Variants in TMEM53 observed in about 807,000 individuals in gnomAD.
TMEM53 encodes transmembrane protein 53.
In TMEM53, 14 loss-of-function variants were observed where a neutral mutation model predicts 21.4. That is an observed-to-expected ratio of 0.65 (90% CI 0.43 to 1.02). The LOEUF is 1.02. Among genes scored for constraint, TMEM53 ranks in the 50% least tolerant of loss-of-function variants. The probability of loss-of-function intolerance (pLI) is 0.00; values close to 1 mark genes in which losing one functional copy is unlikely to be tolerated. For synonymous variants in TMEM53, 148 were observed against 157.4 expected, an observed-to-expected ratio of 0.94 and a Z score of 0.45; for missense variants, 323 against 383.6, an observed-to-expected ratio of 0.84 and a Z score of 1.32.
intron 2 of TMEM53, among the ~76,000 whole-genome samples, chr1:44,657,385 A>T (rs1644860035): frequency 6.6e-6 from 1 of 152,196 alleles, no homozygotes; most frequent in Non-Finnish European, 1.5e-5. Flanking sequence ...GAAGGTGGAG[A>T]TCATGATCTG....
chr1:44,666,559 C>T (rs757632534), intron 1 of TMEM53, among the ~76,000 whole-genome samples: 3 of 152,168 alleles, frequency 2.0e-5, no homozygotes, highest in Non-Finnish European at 4.4e-5. Context: ...AGTACTAATA[C>T]ACGTGATAGC....
intron 2 of TMEM53, among the ~76,000 whole-genome samples, chr1:44,656,692 G>A (rs925122677): frequency 4.0e-5 from 6 of 151,238 alleles, no homozygotes; most frequent in African/African-American, 1.2e-4. Context: ...TAGCCTGGAC[G>A]ACATAGGGAG....
At chr1:44,661,469 G>A (rs2148532571) in intron 1 of TMEM53, among the ~76,000 whole-genome samples, 1 of 151,648 alleles carries the variant, frequency 6.6e-6, no homozygotes, top group African/African-American at 2.4e-5. Context: ...TCGAACTCCT[G>A]ACCTCAAGTG....
At chr1:44,671,860 C>T (rs1345430223) in intron 1 of TMEM53, among the ~76,000 whole-genome samples, 2 of 152,136 alleles carry the variant, frequency 1.3e-5, no homozygotes, top group East Asian at 1.9e-4. Flanking sequence ...AGCCAGGAGG[C>T]GGAGGTTGCA....
At chr1:44,673,850 G>A in intron 1 of TMEM53, 7 of 985,392 alleles carry the variant, frequency 7.1e-6, no homozygotes, top group Non-Finnish European at 8.4e-6. Context: ...GTTAACCACT[G>A]CCGAGAAGAG....
intron 1 of TMEM53, among the ~76,000 whole-genome samples, chr1:44,667,260 A>G (rs1281637481): frequency 2.0e-5 from 3 of 151,942 alleles, no homozygotes; most frequent in South Asian, 2.1e-4. Flanking sequence ...AAGCAATATC[A>G]TAACAGAATA....
chr1:44,665,043 A>C lies in TMEM53; in HGVS notation c.62-4748T>G, dbSNP rs1446467200. 2.0e-5 allele frequency among the ~76,000 whole-genome samples: 3 copies of C among 151,926 alleles called. No homozygotes were observed. The South Asian group carries it at 6.2e-4, about 32-fold the overall frequency. ...CACCTATAGAATCAGCTCACTACTTACTTCCAGGAAGCCTTCCTTGACGCC... is the reference window on the plus strand; with the variant it reads ...CACCTATAGAATCAGCTCACTACTTCCTTCCAGGAAGCCTTCCTTGACGCC... On this transcript the variant is annotated intron_variant, in intron 1 of 2. Coordinates refer to ENST00000372237, the MANE Select transcript of TMEM53 (RefSeq NM_024587.4).
At chr1:44,662,487 G>C (rs937504408) in intron 1 of TMEM53, among the ~76,000 whole-genome samples, 3 of 152,188 alleles carry the variant, frequency 2.0e-5, no homozygotes, top group African/African-American at 7.2e-5. Flanking sequence ...GGGCCTCAGT[G>C]GGGCCCCAGG....
chr1:44,655,247 TG>T lies in TMEM53; in HGVS notation c.184-39del. On this transcript the variant is annotated intron_variant, in intron 2 of 2. Transcript: ENST00000372237. The surrounding 1 kb of genome is among the most constrained non-coding windows in gnomAD (Gnocchi z 4.4). ...GCCTGGTCAGTCCTCACAGATGAGG[TG>T]GGGGTAGTGGGTACAAGCTAAGGTC... 1.3e-6 allele frequency: 2 copies of T among 1,546,180 alleles called. No homozygotes were observed. Among genetic ancestry groups the T allele is most frequent in the Non-Finnish European group, 1.7e-6 (2 of 1,146,434 alleles).
chr1:44,661,512 A>G (rs41468751), intron 1 of TMEM53, among the ~76,000 whole-genome samples: 2,412 of 152,162 alleles, frequency 0.016, 81 homozygotes, highest in Admixed American at 0.066. Flanking sequence ...GGAACAAGAA[A>G]GTCTTAAAAG....
At chr1:44,672,427 CGT>C (rs1229063118) in intron 1 of TMEM53, among the ~76,000 whole-genome samples, 3 of 152,216 alleles carry the variant, frequency 2.0e-5, no homozygotes, top group Non-Finnish European at 4.4e-5. Flanking sequence ...GCTCCTTGGG[CGT>C]GTGAGTCACT....
intron 1 of TMEM53, among the ~76,000 whole-genome samples, chr1:44,669,644 G>A (rs1365362097): frequency 1.3e-5 from 2 of 152,102 alleles, no homozygotes; most frequent in East Asian, 3.8e-4. Flanking sequence ...AGGAGCTCCT[G>A]GTGGGCCTGG....
intron 1 of TMEM53, among the ~76,000 whole-genome samples, chr1:44,671,011 G>A (rs1644995602): frequency 6.6e-6 from 1 of 152,196 alleles, no homozygotes; most frequent in Non-Finnish European, 1.5e-5. Context: ...GCTGCCAAGT[G>A]ATTCCATTCA....
intron 1 of TMEM53, among the ~76,000 whole-genome samples, chr1:44,662,339 G>A (rs114575306): frequency 0.054 from 8,209 of 152,148 alleles, 783 homozygotes; most frequent in African/African-American, 0.19. Flanking sequence ...GTGCTGGCTC[G>A]GCCTCTGATA....
intron 1 of TMEM53, among the ~76,000 whole-genome samples, chr1:44,661,563 A>C (rs879251509): frequency 6.6e-6 from 1 of 152,050 alleles, no homozygotes; most frequent in Admixed American, 6.6e-5. Flanking sequence ...CATGAGGCTG[A>C]CTCTGGCCCA....
At chr1:44,661,073 C>A (rs1348601465) in intron 1 of TMEM53, among the ~76,000 whole-genome samples, 1 of 152,068 alleles carries the variant, frequency 6.6e-6, no homozygotes, top group Non-Finnish European at 1.5e-5. Context: ...GAACATGCCA[C>A]ACTTATCATT....
At chr1:44,672,610 C>A (rs1645011754) in intron 1 of TMEM53, among the ~76,000 whole-genome samples, 1 of 152,204 alleles carries the variant, frequency 6.6e-6, no homozygotes, top group African/African-American at 2.4e-5. Context: ...AGGGAAGGGT[C>A]TGCTAGCAAT....
At chr1:44,661,405 T>A (rs1644901180) in intron 1 of TMEM53, among the ~76,000 whole-genome samples, 1 of 130,270 alleles carries the variant, frequency 7.7e-6, no homozygotes, top group Admixed American at 7.6e-5. Flanking sequence ...TTTCTTTTTC[T>A]TTTTTTTTTT....
chr1:44,654,329 T>A lies in TMEM53; in HGVS notation c.*230A>T. ...GTCCAAACACAACTGACTGCAAGGCTCCCACAGACACATGCCCAGGCACTC... is the reference window on the plus strand; with the variant it reads ...GTCCAAACACAACTGACTGCAAGGCACCCACAGACACATGCCCAGGCACTC... On this transcript the variant is annotated 3_prime_UTR_variant, in exon 3 of 3. Coordinates refer to ENST00000372237, the MANE Select transcript of TMEM53 (RefSeq NM_024587.4). The surrounding 1 kb of genome is among the most constrained non-coding windows in gnomAD (Gnocchi z 7.0). The A allele has an allele frequency of 3.8e-6, 2 of 532,850 alleles. No individual in the cohort carries two copies. Among genetic ancestry groups the A allele is most frequent in the South Asian group, 2.6e-5 (1 of 38,260 alleles). The allele number at this position is 532,850 out of a possible 1,614,324, so 33.0% of individuals were successfully genotyped here.
Sources: gnomAD v4.1 joint callset for allele counts (sites outside exome capture counted in the v4.1 genomes callset) on GRCh38, gnomAD v4.1.1 for gene constraint, Gnocchi (gnomAD v3.1) non-coding constraint, MANE v1.5 for transcripts, NCBI Gene and HGNC (gene_info 2026-07-23, HGNC 2026-07-21) for gene names.